NKAIN3: variants seen among roughly 807,000 people sequenced by gnomAD.
NKAIN3 encodes sodium/potassium-transporting ATPase subunit beta-1-interacting protein 3.
NKAIN3 carries 25 observed loss-of-function variants against 30.2 expected under a neutral mutation model. The ratio of observed to expected loss-of-function variants is 0.83; its 90% confidence interval spans 0.60 to 1.16. The LOEUF (loss-of-function observed/expected upper bound fraction) is 1.16. Among genes scored for constraint, NKAIN3 ranks in the 50% most tolerant of loss-of-function variants. The probability of loss-of-function intolerance (pLI) is 0.00; values close to 1 mark genes in which losing one functional copy is unlikely to be tolerated. For synonymous variants in NKAIN3, 91 were observed against 89.6 expected (o/e 1.02, Z -0.09); for missense variants, 225 against 254.1 (o/e 0.89, Z 0.78).
chr8:62,880,064 G>A (rs1820927836), intron 4 of NKAIN3, among the ~76,000 whole-genome samples: 2 of 152,152 alleles, frequency 1.3e-5, no homozygotes, highest in African/African-American at 4.8e-5. Flanking sequence ...ACATTAAGAT[G>A]AGCATGTAAT....
chr8:62,334,346 C>G (rs954177280), intron 1 of NKAIN3, among the ~76,000 whole-genome samples: 1 of 152,038 alleles, frequency 6.6e-6, no homozygotes, highest in Non-Finnish European at 1.5e-5. Context: ...TAATCCTTGG[C>G]ATTCCTTGGC....
At chr8:62,249,497 G>A (rs563154822) in intron 1 of NKAIN3, among the ~76,000 whole-genome samples, 3 of 152,246 alleles carry the variant, frequency 2.0e-5, no homozygotes, top group South Asian at 2.1e-4. Flanking sequence ...AGTTACACGG[G>A]GACTTGCGGG....
At position 62,983,506 on chromosome 8, in the gene NKAIN3, A is replaced by G. The variant is rs1824131880; in HGVS notation, c.*18099A>G. On this transcript the variant is annotated 3_prime_UTR_variant, in exon 7 of 7. Transcript: ENST00000623646. ...TTGTGCAAAAAGCTTGGGGAGTGAT[A>G]AAAACAAATCAAATTCACATTTTAA... 6.6e-6 allele frequency: 1 copy of G among 152,214 alleles called. No homozygotes were observed. Among genetic ancestry groups the G allele is most frequent in the East Asian group, 1.9e-4 (1 of 5,190 alleles). The allele number at this position is 152,214 out of a possible 1,614,324, so 9.4% of individuals were successfully genotyped here. A position where few individuals can be genotyped will look rare whatever the true frequency, so the allele number is the denominator to read the frequency against.
At chr8:62,941,729 CT>C (rs1355454128) in intron 5 of NKAIN3, among the ~76,000 whole-genome samples, 8 of 152,116 alleles carry the variant, frequency 5.3e-5, no homozygotes, top group African/African-American at 1.4e-4. Context: ...ATGATTAAAA[CT>C]CTCAGCGAAA....
intron 1 of NKAIN3, chr8:62,383,563 C>A: frequency 2.2e-6 from 1 of 454,752 alleles, no homozygotes; most frequent in Non-Finnish European, 4.4e-6. Context: ...TCATCTGCTG[C>A]CTTTTGGTTT....
chr8:62,789,177 C>G (rs1484843252), intron 4 of NKAIN3, among the ~76,000 whole-genome samples: 1 of 152,026 alleles, frequency 6.6e-6, no homozygotes, highest in Non-Finnish European at 1.5e-5. Context: ...ATGGAATGTT[C>G]TTCCATTTGT....
rs957189369 is a variant in NKAIN3 at position 62,969,494 on chromosome 8, C to T, written c.*4087C>T. Reference sequence around the variant, plus strand: ...CCTAATTTTAAAACGAATTGTGTCCCCAAATATGGTCTATTCTGGCTAATC... The same window carrying T: ...CCTAATTTTAAAACGAATTGTGTCCTCAAATATGGTCTATTCTGGCTAATC... On this transcript the variant is annotated 3_prime_UTR_variant, in exon 7 of 7. Coordinates refer to ENST00000623646, the MANE Select transcript of NKAIN3 (RefSeq NM_001304533.3). 5.9e-5 allele frequency among the ~76,000 whole-genome samples: 9 copies of T among 152,122 alleles called. No homozygotes were observed. Among genetic ancestry groups the T allele is most frequent in the African/African-American group, 2.2e-4 (9 of 41,438 alleles).
chr8:62,776,650 G>A (rs922113006), intron 4 of NKAIN3, among the ~76,000 whole-genome samples: 1 of 151,930 alleles, frequency 6.6e-6, no homozygotes, highest in Non-Finnish European at 1.5e-5. Flanking sequence ...ATACCTTATT[G>A]TATACCCTAT....
chr8:62,998,139 A>T (rs1158098720), intron 5 of NKAIN3, among the ~76,000 whole-genome samples: 2 of 152,174 alleles, frequency 1.3e-5, no homozygotes, highest in African/African-American at 4.8e-5. Flanking sequence ...CTTGTCATCT[A>T]TTTTATGAAA....
chr8:62,406,837 G>A (rs940226593), intron 1 of NKAIN3, among the ~76,000 whole-genome samples: 2 of 152,136 alleles, frequency 1.3e-5, no homozygotes, highest in Admixed American at 6.6e-5. Flanking sequence ...AATTAAAACA[G>A]ACAACTCTGT....
chr8:62,932,215 G>A (rs1455570), intron 5 of NKAIN3, among the ~76,000 whole-genome samples: 5,980 of 152,198 alleles, frequency 0.039, 358 homozygotes, highest in African/African-American at 0.13. Flanking sequence ...CTTATTAATT[G>A]ATTCACTCAT....
At chr8:62,711,375 T>C (rs751246669) in intron 3 of NKAIN3, among the ~76,000 whole-genome samples, 1 of 152,162 alleles carries the variant, frequency 6.6e-6, no homozygotes, top group Non-Finnish European at 1.5e-5. Context: ...ACACCGATTA[T>C]TCTTAGGTTT....
chr8:62,760,966 A>G (rs1401367323), intron 4 of NKAIN3, among the ~76,000 whole-genome samples: 1 of 152,204 alleles, frequency 6.6e-6, no homozygotes, highest in Non-Finnish European at 1.5e-5. Flanking sequence ...CTCAACGGGT[A>G]ACGTCAGGTA....
intron 4 of NKAIN3, among the ~76,000 whole-genome samples, chr8:62,864,931 G>GC (rs1820372772): frequency 6.6e-6 from 1 of 152,094 alleles, no homozygotes; most frequent in South Asian, 2.1e-4. Flanking sequence ...CTGGAGCGCG[G>GC]CGTGTATGGC....
intron 5 of NKAIN3, among the ~76,000 whole-genome samples, chr8:62,934,836 A>G (rs1336053499): frequency 6.6e-6 from 1 of 152,038 alleles, no homozygotes; most frequent in East Asian, 1.9e-4. Context: ...GCTACTGGGG[A>G]AAAAACGGGG....
chr8:62,912,311 G>A (rs937219150), intron 4 of NKAIN3, among the ~76,000 whole-genome samples: 9 of 152,078 alleles, frequency 5.9e-5, no homozygotes, highest in African/African-American at 1.2e-4. Context: ...GTGAGGGAGC[G>A]ATGGGTGAAT....
At chr8:62,623,618 T>G (rs970601089) in intron 3 of NKAIN3, among the ~76,000 whole-genome samples, 8 of 152,100 alleles carry the variant, frequency 5.3e-5, no homozygotes, top group African/African-American at 2.4e-5. Context: ...AATTTCTGGC[T>G]TAAATGATTT....
chr8:62,650,909 A>T (rs1812601948), intron 3 of NKAIN3, among the ~76,000 whole-genome samples: 1 of 152,180 alleles, frequency 6.6e-6, no homozygotes, highest in African/African-American at 2.4e-5. Flanking sequence ...TAGCTATTTT[A>T]TGTTGGCTGA....
chr8:62,538,470 C>T (rs1174358954), intron 1 of NKAIN3, among the ~76,000 whole-genome samples: 2 of 152,298 alleles, frequency 1.3e-5, no homozygotes, highest in East Asian at 3.9e-4. Context: ...CCACCACTCG[C>T]AGCCATAAAG....
Sources: gnomAD v4.1 joint callset for allele counts (sites outside exome capture counted in the v4.1 genomes callset) on GRCh38, gnomAD v4.1.1 for gene constraint, MANE v1.5 for transcripts, NCBI Gene and HGNC (gene_info 2026-07-23, HGNC 2026-07-21) for gene names.